Variants in HADHB observed in about 807,000 individuals in gnomAD.
HADHB encodes the protein hydroxyacyl-CoA dehydrogenase trifunctional multienzyme complex subunit beta.
A neutral mutation model predicts 61.9 loss-of-function variants in HADHB; 50 were observed. The observed-to-expected ratio is 0.81, with a 90% CI of 0.64 to 1.02. The LOEUF is 1.02. Among genes scored for constraint, HADHB ranks in the 50% least tolerant of loss-of-function variants. The pLI is 0.00. For synonymous variants in HADHB, 191 were observed against 201.6 expected (o/e 0.95, Z 0.45); for missense variants, 504 against 586.5 (o/e 0.86, Z 1.45).
intron 10 of HADHB, among the ~76,000 whole-genome samples, chr2:26,281,792 A>G (rs765751556): frequency 3.3e-5 from 5 of 152,232 alleles, no homozygotes; most frequent in Non-Finnish European, 5.9e-5. Context: ...TGGTGGCTAC[A>G]CAGTCTCTTC....
chr2:26,286,488 G>A (rs1477311716), intron 15 of HADHB, among the ~76,000 whole-genome samples: 9 of 152,036 alleles, frequency 5.9e-5, no homozygotes, highest in Admixed American at 5.9e-4. Flanking sequence ...CCAAAAGGAA[G>A]ATTGTAGTTT....
intron 1 of HADHB, among the ~76,000 whole-genome samples, chr2:26,248,018 A>G (rs1383403937): frequency 6.6e-6 from 1 of 152,188 alleles, no homozygotes; most frequent in Non-Finnish European, 1.5e-5. Flanking sequence ...TTATCCTTCC[A>G]TGTCTAGACT....
Position 26,250,153 on chromosome 2 carries a change from T to C in HADHB, c.-8-4094T>C, listed in dbSNP as rs61602843. ...CCCAAGTAGCTGGCTTACAGGCATG[T>C]GCCACCAGGCCTGGCTAATTTTGTA... On this transcript the variant is annotated intron_variant, in intron 1 of 15. Transcript: ENST00000317799. Among the ~76,000 whole-genome samples the C allele has an allele frequency of 6.3e-3, 958 of 152,262 alleles. 8 individuals carry two copies. The highest frequency in any genetic ancestry group is 0.022 in the African/African-American group (897 of 41,562).
At chr2:26,268,781 T>C (rs1672205909) in intron 4 of HADHB, among the ~76,000 whole-genome samples, 2 of 152,176 alleles carry the variant, frequency 1.3e-5, no homozygotes, top group South Asian at 4.1e-4. Flanking sequence ...GCTTAGTGAA[T>C]AGTATTGTGC....
At chr2:26,276,694 T>A (rs1412632193) in intron 6 of HADHB, among the ~76,000 whole-genome samples, 1 of 152,238 alleles carries the variant, frequency 6.6e-6, no homozygotes, top group Non-Finnish European at 1.5e-5. Flanking sequence ...TATTTCATCA[T>A]CATTCCAGCA....
intron 1 of HADHB, among the ~76,000 whole-genome samples, chr2:26,246,603 A>G (rs1671174567): frequency 6.6e-6 from 1 of 151,930 alleles, no homozygotes; most frequent in Non-Finnish European, 1.5e-5. Context: ...TGCCCCCCAA[A>G]GTGCTGGGAT....
At chr2:26,281,211 G>T (rs1022156570) in intron 10 of HADHB, among the ~76,000 whole-genome samples, 2 of 151,612 alleles carry the variant, frequency 1.3e-5, no homozygotes, top group Non-Finnish European at 2.9e-5. Flanking sequence ...TATTGATTCT[G>T]CTGCTGCTTG....
rs189450262 is a variant in HADHB, at chr2:26,253,693, A to G, written c.-8-554A>G. On this transcript the variant is annotated intron_variant, in intron 1 of 15. Transcript: ENST00000317799. ...ATGGCAAAACCCCATGTCTACTAAA[A>G]ATACAAAAAATTAGCCGGGTGTGGT... Among the ~76,000 whole-genome samples, 177 of 151,994 alleles carry G rather than the reference A, an allele frequency of 1.2e-3. 1 individual carries two copies. The highest frequency in any genetic ancestry group is 3.9e-3 in the African/African-American group (163 of 41,446).
At chr2:26,250,652 GTTT>G (rs528872282) in intron 1 of HADHB, among the ~76,000 whole-genome samples, 2 of 136,176 alleles carry the variant, frequency 1.5e-5, no homozygotes. Flanking sequence ...TGTCTCTAAA[GTTT>G]TTTTTTTTTT....
chr2:26,261,181 G>A (rs1671845834), intron 3 of HADHB: 1 of 524,856 alleles, frequency 1.9e-6, no homozygotes, highest in Non-Finnish European at 3.4e-6. Context: ...GGGGCCTGTG[G>A]GATGTCCAAA....
chr2:26,253,857 A>AAAAAAAATAAATAAAT (rs1553318178), intron 1 of HADHB, among the ~76,000 whole-genome samples: 1 of 125,582 alleles, frequency 8.0e-6, no homozygotes, highest in Non-Finnish European at 1.7e-5. Flanking sequence ...CCATCTCAAA[A>AAAAAAAATAAATAAAT]AAATAAATAA....
At chr2:26,281,151 T>C (rs1489792724) in intron 10 of HADHB, among the ~76,000 whole-genome samples, 2 of 151,756 alleles carry the variant, frequency 1.3e-5, no homozygotes, top group Non-Finnish European at 2.9e-5. Flanking sequence ...CTTATCAACA[T>C]GTAGCTTCAT....
At chr2:26,256,948 G>A (rs888520930) in intron 3 of HADHB, among the ~76,000 whole-genome samples, 3 of 152,116 alleles carry the variant, frequency 2.0e-5, no homozygotes, top group Admixed American at 6.6e-5. Context: ...GGGGTCATAT[G>A]GTAGTTTTCT....
At position 26,279,192 on chromosome 2, in the gene HADHB, C is replaced by G; in HGVS notation, c.688C>G (p.Leu230Val). 6.2e-7 allele frequency: 1 copy of G among 1,613,750 alleles called. No individual in the cohort carries two copies. Among genetic ancestry groups the G allele is most frequent in the Non-Finnish European group, 8.5e-7 (1 of 1,179,642 alleles). ...SETMGHSADR[L>V]AAAFAVSRLE... ...GACCATGGGCCACTCTGCAGACCGA[C>G]TGGCCGCTGCCTTTGCTGTTTCTCG... The change falls in exon 9 of 16, where the codon CTG (leucine) becomes GTG (valine). Residue 230 changes from leucine (L) to valine (V), a missense_variant. Leu to Val is a conservative substitution (Grantham distance 32, BLOSUM62 1). Transcript: ENST00000317799.
intron 3 of HADHB, among the ~76,000 whole-genome samples, chr2:26,257,774 C>G (rs531253845): frequency 6.6e-6 from 1 of 152,148 alleles, no homozygotes; most frequent in South Asian, 2.1e-4. Flanking sequence ...AATCCCAGCA[C>G]TTTGGGAGGC....
At chr2:26,283,103 A>G (rs774938444) in intron 12 of HADHB, 52 bp downstream of exon 12, 13 of 1,084,816 alleles carry the variant, frequency 1.2e-5, no homozygotes, top group South Asian at 7.5e-5. Flanking sequence ...TTGATTGCCT[A>G]TGTTTTATTA....
chr2:26,287,130 G>A (rs1673068318), intron 15 of HADHB, among the ~76,000 whole-genome samples: 1 of 152,014 alleles, frequency 6.6e-6, no homozygotes, highest in Non-Finnish European at 1.5e-5. Flanking sequence ...CTTGAACCCG[G>A]GAGGTGGAGG....
intron 6 of HADHB, among the ~76,000 whole-genome samples, chr2:26,274,178 A>C (rs980571353): frequency 6.6e-6 from 1 of 152,220 alleles, no homozygotes; most frequent in Non-Finnish European, 1.5e-5. Context: ...ATTTGTTCCC[A>C]TCAACTAGAT....
At chr2:26,261,256 T>G in intron 3 of HADHB, 1 of 485,396 alleles carries the variant, frequency 2.1e-6, no homozygotes. Context: ...CTTTTATTGT[T>G]AAAGAGGAAA....
Sources: gnomAD v4.1 joint callset for allele counts (sites outside exome capture counted in the v4.1 genomes callset) on GRCh38, gnomAD v4.1.1 for gene constraint, MANE v1.5 for transcripts, NCBI Gene and HGNC (gene_info 2026-07-23, HGNC 2026-07-21) for gene names.